Variants in METTL16 observed in about 807,000 individuals in gnomAD.
The protein encoded by METTL16 is RNA N(6)-adenosine-methyltransferase METTL16.
METTL16 carries 19 observed loss-of-function variants against 57.9 expected under a neutral mutation model. The ratio of observed to expected loss-of-function variants is 0.33; its 90% CI spans 0.23 to 0.48. The LOEUF is 0.48. Among genes scored for constraint, METTL16 ranks in the 20% least tolerant of loss-of-function variants. The probability of loss-of-function intolerance (pLI) is 0.99; values close to 1 mark genes in which losing one functional copy is unlikely to be tolerated. For synonymous variants in METTL16, 246 were observed against 255.6 expected (o/e 0.96, Z 0.36); for missense variants, 434 against 691.5 (o/e 0.63, Z 4.18).
chr17:2,456,810 A>G (rs898681970), intron 6 of METTL16, among the ~76,000 whole-genome samples: 2 of 152,006 alleles, frequency 1.3e-5, no homozygotes, highest in Non-Finnish European at 2.9e-5. Flanking sequence ...TATTTTTAAG[A>G]CATAGTTTCA....
intron 6 of METTL16, among the ~76,000 whole-genome samples, chr17:2,449,410 G>T (rs2067052020): frequency 6.6e-6 from 1 of 152,104 alleles, no homozygotes; most frequent in African/African-American, 2.4e-5. Context: ...GTATGCCTAT[G>T]TTGCACAGGC....
intron 2 of METTL16, 35 bp downstream of exon 2, chr17:2,502,169 A>C (rs2067493841): frequency 6.2e-7 from 1 of 1,603,400 alleles, no homozygotes; most frequent in Non-Finnish European, 8.5e-7. Flanking sequence ...TTTGAATCAC[A>C]CAAGAATAAC....
rs2067591059 is a variant in METTL16 at position 2,511,752 on chromosome 17, G to T, written c.-1+7C>A. ...GTAAATCTGCGTGAGAGATATAAGT[G>T]ACCCACCTCTGAGGCCGAGGTTCCT... On this transcript the variant is annotated splice_region_variant and intron_variant, in intron 1 of 9. Transcript: ENST00000263092. 1 of 398,334 alleles carries T rather than the reference G, an allele frequency of 2.5e-6. No individual in the cohort carries two copies. The highest frequency in any genetic ancestry group is 1.3e-4 in the South Asian group (1 of 7,718). 24.7% of individuals were successfully genotyped at this position (398,334 alleles called of 1,614,324 possible).
At chr17:2,506,306 C>T (rs983817423) in intron 1 of METTL16, among the ~76,000 whole-genome samples, 1 of 148,248 alleles carries the variant, frequency 6.7e-6, no homozygotes, top group Admixed American at 6.8e-5. Context: ...TCCCTCTCCC[C>T]CTCTTGCCAC....
At chr17:2,449,300 CCATA>C (rs975662786) in intron 6 of METTL16, among the ~76,000 whole-genome samples, 6 of 152,228 alleles carry the variant, frequency 3.9e-5, no homozygotes, top group African/African-American at 7.2e-5. Flanking sequence ...ACAATCCCAA[CCATA>C]CATTTTCATG....
intron 6 of METTL16, chr17:2,460,390 A>G (rs2067140880): frequency 6.6e-6 from 1 of 152,210 alleles, no homozygotes; most frequent in Non-Finnish European, 1.5e-5. Flanking sequence ...GCCAAGTATA[A>G]GCAGACTAGG....
intron 7 of METTL16, among the ~76,000 whole-genome samples, chr17:2,439,211 T>C (rs562322816): frequency 6.6e-6 from 1 of 152,198 alleles, no homozygotes; most frequent in East Asian, 1.9e-4. Context: ...CCGGGCTCAA[T>C]GGATCCTCCC....
At chr17:2,471,608 T>A (rs953010041) in intron 4 of METTL16, among the ~76,000 whole-genome samples, 4 of 151,858 alleles carry the variant, frequency 2.6e-5, no homozygotes, top group Non-Finnish European at 5.9e-5. Context: ...GCTAACATAG[T>A]GAAACCCCGT....
At chr17:2,491,778 G>T (rs2067393841) in intron 2 of METTL16, among the ~76,000 whole-genome samples, 1 of 149,466 alleles carries the variant, frequency 6.7e-6, no homozygotes, top group South Asian at 2.1e-4. Flanking sequence ...CGGAGGCTGA[G>T]GCAGGAGAAT....
At chr17:2,487,562 T>G (rs934941596) in intron 2 of METTL16, among the ~76,000 whole-genome samples, 1 of 152,142 alleles carries the variant, frequency 6.6e-6, no homozygotes, top group Non-Finnish European at 1.5e-5. Flanking sequence ...AGGGTATCCA[T>G]GAAGGATAAA....
chr17:2,495,472 G>A (rs567134866), intron 2 of METTL16, among the ~76,000 whole-genome samples: 37 of 152,038 alleles, frequency 2.4e-4, no homozygotes, highest in African/African-American at 7.2e-4. Flanking sequence ...CAAGGTGGGC[G>A]GATCACGAGG....
At chr17:2,483,843 T>G (rs1431978900) in intron 2 of METTL16, among the ~76,000 whole-genome samples, 1 of 152,256 alleles carries the variant, frequency 6.6e-6, no homozygotes, top group Non-Finnish European at 1.5e-5. Flanking sequence ...CAATTCCATT[T>G]CCTTCAATGA....
intron 4 of METTL16, among the ~76,000 whole-genome samples, chr17:2,471,780 C>T (rs2067237071): frequency 6.6e-6 from 1 of 151,900 alleles, no homozygotes; most frequent in Non-Finnish European, 1.5e-5. Context: ...GAGCGAGACT[C>T]CATCTCAAAA....
In METTL16 at chr17:2,464,318, C is replaced by G; in HGVS notation, c.618G>C (p.Pro206=). 7 of 1,608,468 alleles carry G rather than the reference C, an allele frequency of 4.4e-6. No individual in the cohort carries two copies. Among genetic ancestry groups the G allele is most frequent in the Non-Finnish European group, 5.9e-6 (7 of 1,178,632 alleles). ...TGCCTCCTGTATTAACAGAACTAGG[C>G]GGAGGTCTTCGAGGATTTCGTGAGT... ...GVNSRNPRRP[P]PSSVNTGGIT... The change falls in exon 6 of 10, where the codon CCG becomes CCC. Residue 206 remains proline (P), a synonymous_variant. Transcript: ENST00000263092.
intron 2 of METTL16, among the ~76,000 whole-genome samples, chr17:2,478,470 T>C (rs2067282082): frequency 6.6e-6 from 1 of 152,198 alleles, no homozygotes; most frequent in South Asian, 2.1e-4. Flanking sequence ...AAATTTTAAA[T>C]GTAACTTTTT....
intron 4 of METTL16, 51 bp from the exon 5 acceptor site, chr17:2,467,927 A>T (rs754425273): frequency 5.4e-6 from 7 of 1,293,764 alleles, no homozygotes; most frequent in Non-Finnish European, 7.9e-6. Flanking sequence ...CAGTGGTTCT[A>T]AAGTATAACC....
At chr17:2,439,259 G>A (rs547525502) in intron 7 of METTL16, among the ~76,000 whole-genome samples, 3 of 152,058 alleles carry the variant, frequency 2.0e-5, no homozygotes, top group Non-Finnish European at 2.9e-5. Flanking sequence ...ACAAGCACGC[G>A]CCATCACACT....
chr17:2,423,438 C>A (rs1428147040), intron 8 of METTL16, among the ~76,000 whole-genome samples: 1 of 152,164 alleles, frequency 6.6e-6, no homozygotes, highest in East Asian at 1.9e-4. Flanking sequence ...ATTACTCAAT[C>A]ATCCTGCATG....
intron 1 of METTL16, among the ~76,000 whole-genome samples, chr17:2,506,281 GTCTCCC>G (rs934526930): frequency 2.2e-4 from 14 of 64,026 alleles, no homozygotes; most frequent in African/African-American, 6.2e-4. Flanking sequence ...TCTCCCCACG[GTCTCCC>G]TCTCCCTCTC....
Sources: gnomAD v4.1 joint callset for allele counts (sites outside exome capture counted in the v4.1 genomes callset) on GRCh38, gnomAD v4.1.1 for gene constraint, MANE v1.5 for transcripts, NCBI Gene and HGNC (gene_info 2026-07-23, HGNC 2026-07-21) for gene names.